The following RUFY1 variants were observed in gnomAD, a reference collection of about 807,000 sequenced individuals.
The protein encoded by RUFY1 is RUN and FYVE domain containing 1.
Under a neutral mutation model 94.6 loss-of-function variants are expected in RUFY1, and 54 were observed. The observed-to-expected ratio is 0.57, with a 90% CI of 0.46 to 0.72. The LOEUF is 0.72. RUFY1 is among the 30% of genes least tolerant of loss of function. The pLI, the probability that RUFY1 is intolerant of heterozygous loss-of-function variation, is 0.00. For missense variants in RUFY1, 883 were observed against 883.9 expected (o/e 1.00, Z 0.01); for synonymous variants, 396 against 347.3 (o/e 1.14, Z -1.56).
chr5:179,589,729 C>A, intron 9 of RUFY1, 82 bp downstream of exon 9: 2 of 1,073,666 alleles, frequency 1.9e-6, no homozygotes, highest in East Asian at 2.4e-5. Flanking sequence ...GGCTTAACAA[C>A]AACCCAGTCT....
intron 5 of RUFY1, among the ~76,000 whole-genome samples, chr5:179,575,210 TAAAC>T (rs879833911): frequency 2.0e-5 from 3 of 152,136 alleles, no homozygotes; most frequent in African/African-American, 4.8e-5. Flanking sequence ...CAACAGCACT[TAAAC>T]AATAACAATC....
chr5:179,569,185 T>TC, intron 4 of RUFY1, 117 bp from the exon 5 acceptor site: 1 of 1,536,276 alleles, frequency 6.5e-7, no homozygotes, highest in African/African-American at 1.4e-5. Context: ...AGGGAGGAAA[T>TC]CCACAGCAGT....
Position 179,596,562 on chromosome 5 carries a change from G to C in RUFY1, c.1512G>C (p.Arg504Ser), listed in dbSNP as rs751134891. The stretch of plus-strand genomic sequence containing the variant: ...GCACTCTTGCTGGTGTCGCATCCAG[G>C]TTGCAGCACTCGGAGCGGGCGAGGC... ...VMSSMKQMEE[R>S]LQHSERARQG... The change falls in exon 13 of 18, where the codon AGG becomes AGC. Residue 504 changes from arginine (R) to serine (S), a missense_variant and splice_region_variant. Physicochemically the swap from Arg to Ser is moderately radical, Grantham distance 110 (BLOSUM62 -1). Transcript: ENST00000319449. 2 of 1,613,718 alleles carry C rather than the reference G, an allele frequency of 1.2e-6. No individual in the cohort carries two copies. The highest frequency in any genetic ancestry group is 2.2e-5 in the South Asian group (2 of 91,084).
intron 12 of RUFY1, among the ~76,000 whole-genome samples, chr5:179,595,210 T>C (rs1037493270): frequency 3.3e-5 from 5 of 152,054 alleles, no homozygotes; most frequent in Non-Finnish European, 7.4e-5. Context: ...ACGGGCGCGG[T>C]GGCTCACGCC....
intron 3 of RUFY1, among the ~76,000 whole-genome samples, chr5:179,565,218 G>A (rs1762755264): frequency 8.7e-6 from 1 of 115,110 alleles, no homozygotes; most frequent in Non-Finnish European, 1.6e-5. Context: ...CTATCGCCCA[G>A]CCCAGGCTGG....
intron 16 of RUFY1, 169 bp downstream of exon 16, chr5:179,606,093 G>A (rs4701139): frequency 0.76 from 458,494 of 603,524 alleles, 175,077 homozygotes; most frequent in East Asian, 0.87. Context: ...CCTCGGCTGA[G>A]GGCGATGCTG....
chr5:179,562,634 C>T lies in RUFY1; in HGVS notation c.572C>T (p.Ala191Val), dbSNP rs774539176. ...CTTTGTCCAGAAGCATCAGATATAG[C>T]GACTAGTGTCAGAAATCTTCCAGAA... ...EKLCPEASDI[A>V]TSVRNLPELK... The change falls in exon 3 of 18, where the codon GCG becomes GTG. Residue 191 changes from alanine to valine, a missense_variant. Ala to Val is a moderately conservative substitution (Grantham distance 64, BLOSUM62 0). Transcript: ENST00000319449. 19 of 1,590,164 alleles carry T rather than the reference C, an allele frequency of 1.2e-5. No individual in the cohort carries two copies. Among genetic ancestry groups the T allele is most frequent in the Admixed American group, 1.7e-5 (1 of 59,864 alleles).
At chr5:179,598,908 C>T in intron 14 of RUFY1, 87 bp downstream of exon 14, 3 of 1,489,408 alleles carry the variant, frequency 2.0e-6, no homozygotes, top group Non-Finnish European at 2.8e-6. Flanking sequence ...CTCCCCGCAC[C>T]CTTTGTGTGG....
intron 5 of RUFY1, among the ~76,000 whole-genome samples, chr5:179,576,824 CAG>C (rs758720703): frequency 1.4e-4 from 21 of 152,194 alleles, no homozygotes; most frequent in Non-Finnish European, 2.5e-4. Flanking sequence ...ATTGAATAAA[CAG>C]AAAACTAAAC....
intron 1 of RUFY1, among the ~76,000 whole-genome samples, chr5:179,551,604 TCCC>T (rs1381165972): frequency 3.4e-5 from 5 of 147,036 alleles, no homozygotes; most frequent in Admixed American, 2.1e-4. Flanking sequence ...CGATCCTCCC[TCCC>T]GCCTCAGCCT....
intron 15 of RUFY1, chr5:179,602,238 C>A (rs1041199712): frequency 1.1e-5 from 5 of 472,866 alleles, no homozygotes; most frequent in African/African-American, 1.9e-5. Flanking sequence ...GACCAGGACA[C>A]TCCTATTCCT....
chr5:179,601,578 T>C (rs1474149749), intron 14 of RUFY1, among the ~76,000 whole-genome samples: 1 of 150,494 alleles, frequency 6.6e-6, no homozygotes, highest in East Asian at 2.0e-4. Flanking sequence ...CCCAGCACTT[T>C]GGGAGGCCGA....
intron 7 of RUFY1, among the ~76,000 whole-genome samples, chr5:179,583,843 A>G (rs972273724): frequency 1.3e-5 from 2 of 151,586 alleles, no homozygotes; most frequent in African/African-American, 2.4e-5. Flanking sequence ...TTCGCCTCCC[A>G]GGTTCACGCC....
chr5:179,583,901 C>G (rs1764385119), intron 7 of RUFY1, among the ~76,000 whole-genome samples: 1 of 151,232 alleles, frequency 6.6e-6, no homozygotes, highest in Non-Finnish European at 1.5e-5. Context: ...AGGCGCCCAC[C>G]ACCATGCCCA....
At chr5:179,577,934 A>C (rs1178519638) in intron 6 of RUFY1, among the ~76,000 whole-genome samples, 1 of 149,946 alleles carries the variant, frequency 6.7e-6, no homozygotes, top group African/African-American at 2.4e-5. Context: ...TGTTTTGTTT[A>C]GTTATTTTTA....
intron 14 of RUFY1, 133 bp downstream of exon 14, chr5:179,598,954 G>C (rs1057438884): frequency 1.1e-6 from 1 of 917,084 alleles, no homozygotes; most frequent in African/African-American, 1.7e-5. Flanking sequence ...GAGGCTGTTA[G>C]GGAGCTCCTG....
intron 5 of RUFY1, among the ~76,000 whole-genome samples, chr5:179,570,218 G>C (rs1431015937): frequency 6.6e-6 from 1 of 152,170 alleles, no homozygotes; most frequent in African/African-American, 2.4e-5. Context: ...CTGAGCTTTG[G>C]GGAGCTGTTG....
In RUFY1 at chr5:179,609,776, G is replaced by A. The variant is rs1001613104; in HGVS notation, c.*257G>A. 2.5e-6 allele frequency: 1 copy of A among 404,128 alleles called. No individual in the cohort carries two copies. Among genetic ancestry groups the A allele is most frequent in the African/African-American group, 2.1e-5 (1 of 48,664 alleles). The allele number at this position is 404,128 out of a possible 1,614,324, so 25.0% of individuals were successfully genotyped here. A position where few individuals can be genotyped will look rare whatever the true frequency, so the allele number is the denominator to read the frequency against. ...GGCTCTGGTTCAGATACAACTTCAT[G>A]ATTTTGCTACTATCATTTTTCACTT... is the stretch of plus-strand genomic sequence containing the variant. On this transcript the variant is annotated 3_prime_UTR_variant, in exon 18 of 18. Coordinates refer to ENST00000319449, the MANE Select transcript of RUFY1 (RefSeq NM_025158.5).
rs751140182 is a variant in RUFY1, at chr5:179,581,031, T to G, written c.956+19T>G. The G allele has an allele frequency of 2.6e-6, 4 of 1,525,250 alleles. No individual in the cohort carries two copies. The highest frequency in any genetic ancestry group is 1.8e-5 in the Admixed American group (1 of 56,806). 94.5% of individuals were successfully genotyped at this position (1,525,250 alleles called of 1,614,324 possible). On this transcript the variant is annotated intron_variant, in intron 7 of 17. Transcript: ENST00000319449. ...ACTTGAGGTAAGACTCCTTTTTTTTTCAATGTGACAGTTACATACTCGGTA... is the reference window on the plus strand; with the variant it reads ...ACTTGAGGTAAGACTCCTTTTTTTTGCAATGTGACAGTTACATACTCGGTA...
Sources: allele counts gnomAD v4.1 joint callset (sites outside exome capture counted in the v4.1 genomes callset), GRCh38; gene constraint gnomAD v4.1.1; transcripts MANE v1.5; gene names NCBI Gene and HGNC (gene_info 2026-07-23, HGNC 2026-07-21).